USP42: variants seen among roughly 807,000 people sequenced by gnomAD.
The protein encoded by USP42 is ubiquitin carboxyl-terminal hydrolase 42.
Under a neutral mutation model 113.0 loss-of-function variants are expected in USP42, and 23 were observed. The ratio of observed to expected loss-of-function variants is 0.20; its 90% confidence interval spans 0.15 to 0.29. The LOEUF (loss-of-function observed/expected upper bound fraction) is 0.29. USP42 is among the 10% of genes least tolerant of loss of function. The pLI is 1.00. For synonymous variants in USP42, 933 were observed against 699.0 expected, an observed-to-expected ratio of 1.33 and a Z score of -5.28; for missense variants, 2,174 against 1,779.8, an observed-to-expected ratio of 1.22 and a Z score of -3.99.
At chr7:6,135,445 C>T (rs10249091) in intron 3 of USP42, among the ~76,000 whole-genome samples, 12,512 of 151,646 alleles carry the variant, frequency 0.083, 1,104 homozygotes, top group East Asian at 0.37. Context: ...GTCAGGATTT[C>T]GAGGCCAGCC....
At chr7:6,094,072 C>T in the USP42 span, among the ~76,000 whole-genome samples, 1 of 150,898 alleles carries the variant, frequency 6.6e-6, no homozygotes, top group Non-Finnish European at 1.5e-5. Context: ...TTAGTAGAGA[C>T]GGGGTTTCAC....
the USP42 span, among the ~76,000 whole-genome samples, chr7:6,086,783 A>G: frequency 6.8e-5 from 10 of 147,918 alleles, no homozygotes; most frequent in African/African-American, 2.6e-4. Flanking sequence ...CTGGAATGCA[A>G]TGGCGCGGTC....
chr7:6,144,330 T>C (rs530032276), intron 9 of USP42, 134 bp downstream of exon 9: 1 of 616,020 alleles, frequency 1.6e-6, no homozygotes, highest in East Asian at 3.4e-5. Context: ...TGGGCTTCAT[T>C]GTCTGTTTTG....
intron 3 of USP42, among the ~76,000 whole-genome samples, chr7:6,131,274 G>A (rs1291036300): frequency 6.6e-6 from 1 of 152,034 alleles, no homozygotes; most frequent in East Asian, 1.9e-4. Context: ...CCAGGAGTCC[G>A]AGACCAGCCT....
intron 10 of USP42, among the ~76,000 whole-genome samples, chr7:6,145,944 C>T (rs1387968148): frequency 6.6e-6 from 1 of 152,084 alleles, no homozygotes; most frequent in Non-Finnish European, 1.5e-5. Context: ...GTGGCACCTG[C>T]CAGTAATCCC....
intron 12 of USP42, among the ~76,000 whole-genome samples, chr7:6,148,103 C>T (rs905846831): frequency 1.3e-5 from 2 of 152,096 alleles, no homozygotes; most frequent in African/African-American, 2.4e-5. Context: ...TTTGGGAGGC[C>T]GAGACAGGTG....
chr7:6,140,996 A>C lies in USP42; in HGVS notation c.795+12A>C. 7.4e-7 allele frequency: 1 copy of C among 1,350,666 alleles called. No homozygotes were observed. The highest frequency in any genetic ancestry group is 1.0e-6 in the Non-Finnish European group (1 of 967,134). 83.7% of individuals were successfully genotyped at this position (1,350,666 alleles called of 1,614,324 possible). A position where few individuals can be genotyped will look rare whatever the true frequency, so the allele number is the denominator to read the frequency against. ...CATTGGAGATAAAGGTAAATTTCAT[A>C]ATTATGGGAGTAATTACATTTTTAA... On this transcript the variant is annotated intron_variant, in intron 7 of 17. Transcript: ENST00000306177.
rs1337031222 is a variant in USP42 at position 6,150,402 on chromosome 7, T to C, written c.2107-10T>C. ...CGACTGAAGCTGAAATATTTTTGTT[T>C]TTATTGCAGTTGATGCCTGCTCCTT... On this transcript the variant is annotated splice_polypyrimidine_tract_variant and intron_variant, in intron 13 of 17. Transcript: ENST00000306177. The C allele has an allele frequency of 1.2e-6, 2 of 1,613,362 alleles. No individual in the cohort carries two copies. The highest frequency in any genetic ancestry group is 2.2e-5 in the South Asian group (2 of 91,076).
At chr7:6,140,055 G>A (rs1230897246) in intron 5 of USP42, 73 bp from the exon 6 acceptor site, 2 of 1,356,398 alleles carry the variant, frequency 1.5e-6, no homozygotes, top group East Asian at 2.3e-5. Flanking sequence ...GCTCCCATGT[G>A]TTTGAAATCT....
In USP42 at chr7:6,153,848, C is replaced by A; in HGVS notation, c.2294C>A (p.Ala765Glu). 1 of 1,546,618 alleles carries A rather than the reference C, an allele frequency of 6.5e-7. No homozygotes were observed. The highest frequency in any genetic ancestry group is 8.7e-7 in the Non-Finnish European group (1 of 1,146,044). Residue 765 changes from alanine to glutamate, a missense_variant, in exon 15 of 18, where the codon GCG (alanine) becomes GAG (glutamate). Ala to Glu is a moderately radical substitution (Grantham distance 107). Coordinates refer to ENST00000306177, the MANE Select transcript of USP42 (RefSeq NM_032172.3). ...GCCGAATCCCTGGAGGAGCCAGATG[C>A]GGCCGCCGGCCTCAGCAGCACCAAG... ...PAAESLEEPD[A>E]AAGLSSTKKA...
intron 3 of USP42, among the ~76,000 whole-genome samples, chr7:6,120,946 A>T (rs1471185171): frequency 6.6e-6 from 1 of 151,962 alleles, no homozygotes; most frequent in African/African-American, 2.4e-5. Context: ...CAACTTACTG[A>T]TTGTTTATTG....
intron 1 of USP42, among the ~76,000 whole-genome samples, chr7:6,110,124 G>A (rs890637658): frequency 2.6e-5 from 4 of 151,364 alleles, no homozygotes; most frequent in Non-Finnish European, 5.9e-5. Flanking sequence ...ATGAGCCACC[G>A]CGCCCGGCCT....
At chr7:6,117,864 C>T (rs1459045190) in intron 3 of USP42, among the ~76,000 whole-genome samples, 1 of 152,036 alleles carries the variant, frequency 6.6e-6, no homozygotes, top group African/African-American at 2.4e-5. Context: ...TGGTTATTTG[C>T]CATCCGTATA....
At chr7:6,120,012 C>G (rs1472732169) in intron 3 of USP42, among the ~76,000 whole-genome samples, 1 of 152,168 alleles carries the variant, frequency 6.6e-6, no homozygotes, top group East Asian at 1.9e-4. Flanking sequence ...GCCGCCCGGG[C>G]TGGAGTGCAG....
Position 6,130,168 on chromosome 7 carries a change from A to G in USP42, c.443-5673A>G, listed in dbSNP as rs1780774404. On this transcript the variant is annotated intron_variant, in intron 3 of 17. Transcript: ENST00000306177. Reference sequence around the variant, plus strand: ...GCCTGGCCATGGATATTTTGGTGTTATCTTATAAGACACTGAGTCTTATCT... The same window carrying G: ...GCCTGGCCATGGATATTTTGGTGTTGTCTTATAAGACACTGAGTCTTATCT... Among the ~76,000 whole-genome samples the G allele has an allele frequency of 2.0e-5, 3 of 152,026 alleles. No homozygotes were observed. The South Asian group carries it at 6.2e-4, about 32-fold the overall frequency.
At position 6,160,214 on chromosome 7, in the gene USP42, T is replaced by G. The variant is rs2128530731; in HGVS notation, c.*37-341T>G. ...AATTGCCAAGTGAAGAGTCTGTGGATTAATTGGCCGTTAATTAACAGGCTT... is the reference window on the plus strand; with the variant it reads ...AATTGCCAAGTGAAGAGTCTGTGGAGTAATTGGCCGTTAATTAACAGGCTT... On this transcript the variant is annotated intron_variant, in intron 17 of 17. Transcript: ENST00000306177. Among the ~76,000 whole-genome samples the G allele has an allele frequency of 2.0e-5, 3 of 152,308 alleles. No individual in the cohort carries two copies. The South Asian group carries it at 6.2e-4, about 32-fold the overall frequency.
Position 6,157,120 on chromosome 7 carries a change from G to C in USP42, c.3943+65G>C. 6.8e-7 allele frequency: 1 copy of C among 1,466,782 alleles called. No individual in the cohort carries two copies. The highest frequency in any genetic ancestry group is 9.0e-7 in the Non-Finnish European group (1 of 1,114,440). The allele number at this position is 1,466,782 out of a possible 1,614,324, so 90.9% of individuals were successfully genotyped here. A position where few individuals can be genotyped will look rare whatever the true frequency, so the allele number is the denominator to read the frequency against. On this transcript the variant is annotated intron_variant, in intron 16 of 17. Transcript: ENST00000306177. This position sits in a 1 kb window ranked among gnomAD's most constrained non-coding sequence, Gnocchi z 4.1. ...TTCTTAATACATTTTCTTTGCAAAG[G>C]TGATTAACATGTAGAAAGAAAACCT...
chr7:6,160,134 G>A lies in USP42; in HGVS notation c.*37-421G>A, dbSNP rs536487611. Among the ~76,000 whole-genome samples the A allele has an allele frequency of 1.2e-3, 159 of 137,196 alleles. 1 individual carries two copies. The highest frequency in any genetic ancestry group is 1.9e-3 in the Non-Finnish European group (117 of 62,084). 90.0% of individuals were successfully genotyped at this position (137,196 alleles called of 152,430 possible). On this transcript the variant is annotated intron_variant, in intron 17 of 17. Coordinates refer to ENST00000306177, the MANE Select transcript of USP42 (RefSeq NM_032172.3). ...CAGTGAACCATTTTTCCCTTGAAAG[G>A]AAACTTTGTCCAAATGTGTCTGTCA...
rs1485363757 is a variant in USP42, at chr7:6,161,444, G to T, written c.*926G>T. The T allele has an allele frequency of 2.0e-5, 3 of 152,600 alleles. No homozygotes were observed. Among genetic ancestry groups the T allele is most frequent in the Non-Finnish European group, 4.4e-5 (3 of 68,022 alleles). 9.5% of individuals were successfully genotyped at this position (152,600 alleles called of 1,614,324 possible). On this transcript the variant is annotated 3_prime_UTR_variant, in exon 18 of 18. Coordinates refer to ENST00000306177, the MANE Select transcript of USP42 (RefSeq NM_032172.3). ...ATAATCTGTATGGTTTATACAGTTT[G>T]TGTTGTTCAGAGATGTTTAAAGTTT...
Sources: allele counts gnomAD v4.1 joint callset (sites outside exome capture counted in the v4.1 genomes callset), GRCh38; gene constraint gnomAD v4.1.1; non-coding constraint Gnocchi (gnomAD v3.1); transcripts MANE v1.5; gene names NCBI Gene and HGNC (gene_info 2026-07-23, HGNC 2026-07-21).